The following FSIP1 variants were observed in gnomAD, a reference collection of about 807,000 sequenced individuals.
FSIP1 encodes fibrous sheath interacting protein 1.
In FSIP1, 65 loss-of-function variants were observed where a neutral mutation model predicts 60.9. The observed-to-expected ratio is 1.07, with a 90% confidence interval of 0.87 to 1.31. FSIP1 has a LOEUF of 1.31. Among genes scored for constraint, FSIP1 ranks in the 40% most tolerant of loss-of-function variants. The probability of loss-of-function intolerance (pLI) is 0.00; values close to 1 mark genes in which losing one functional copy is unlikely to be tolerated. For missense variants in FSIP1, 675 were observed against 665.5 expected (o/e 1.01, Z -0.16); for synonymous variants, 209 against 221.2 (o/e 0.94, Z 0.49).
chr15:39,692,469 A>G (rs1341730225), intron 10 of FSIP1, among the ~76,000 whole-genome samples: 1 of 152,204 alleles, frequency 6.6e-6, no homozygotes, highest in Non-Finnish European at 1.5e-5. Flanking sequence ...GAAAATACAG[A>G]GCACTTTAGG....
In FSIP1 at chr15:39,782,637, G is replaced by C. The variant is rs116082687; in HGVS notation, c.-17C>G. On this transcript the variant is annotated 5_prime_UTR_variant, in exon 1 of 12. Coordinates refer to ENST00000350221, the MANE Select transcript of FSIP1 (RefSeq NM_152597.5). The stretch of plus-strand genomic sequence containing the variant: ...CTGCGCGGCCCCTCACCTTCCCGCC[G>C]GGCCTCCTCGAGGAACTGGCCGCCG... 3 of 152,434 alleles carry C rather than the reference G, an allele frequency of 2.0e-5. No homozygotes were observed. Among genetic ancestry groups the C allele is most frequent in the Non-Finnish European group, 4.4e-5 (3 of 68,118 alleles). 9.4% of individuals were successfully genotyped at this position (152,434 alleles called of 1,614,324 possible). A position where few individuals can be genotyped will look rare whatever the true frequency, so the allele number is the denominator to read the frequency against.
At chr15:39,659,724 T>C (rs921295440) in intron 10 of FSIP1, among the ~76,000 whole-genome samples, 3 of 151,824 alleles carry the variant, frequency 2.0e-5, no homozygotes, top group Non-Finnish European at 4.4e-5. Flanking sequence ...AATTTCCTCA[T>C]ATATAATAAA....
intron 1 of FSIP1, chr15:39,782,421 G>C (rs1460664375): frequency 6.6e-6 from 1 of 152,348 alleles, no homozygotes; most frequent in South Asian, 2.1e-4. Flanking sequence ...CCTAATGTTA[G>C]GTGATTCCTG....
rs201924380 is a variant in FSIP1, at chr15:39,776,435, A to G, written c.90T>C (p.Ser30=). ...IRPGSRSSNA[S]LEVLSTEPGS... Reference sequence around the variant, plus strand: ...CTGGTTCTGTTGAGAGCACCTCCAAAGAAGCATTTGAACTTCTGCTCCCAG... The same window carrying G: ...CTGGTTCTGTTGAGAGCACCTCCAAGGAAGCATTTGAACTTCTGCTCCCAG... The change falls in exon 2 of 12, where the codon TCT becomes TCC. Residue 30 remains serine, a synonymous_variant. Transcript: ENST00000350221. 1.1e-5 allele frequency: 18 copies of G among 1,614,028 alleles called. No individual in the cohort carries two copies. The highest frequency in any genetic ancestry group is 6.6e-5 in the South Asian group (6 of 91,054).
intron 1 of FSIP1, among the ~76,000 whole-genome samples, chr15:39,782,086 T>G (rs1166885037): frequency 6.6e-6 from 1 of 152,246 alleles, no homozygotes; most frequent in East Asian, 1.9e-4. Flanking sequence ...ATTTTGGTAG[T>G]TCGCCAAATT....
At chr15:39,681,548 A>C (rs531657779) in intron 10 of FSIP1, among the ~76,000 whole-genome samples, 7 of 152,326 alleles carry the variant, frequency 4.6e-5, no homozygotes, top group Non-Finnish European at 1.0e-4. Flanking sequence ...AATTATAGAG[A>C]TAAAATAATA....
chr15:39,750,850 C>T (rs1403976305), intron 5 of FSIP1, among the ~76,000 whole-genome samples: 1 of 151,740 alleles, frequency 6.6e-6, no homozygotes, highest in Non-Finnish European at 1.5e-5. Context: ...AGAAAAAAAC[C>T]TACAGATTGG....
chr15:39,627,411 T>C (rs1358909089), intron 10 of FSIP1, among the ~76,000 whole-genome samples: 2 of 152,202 alleles, frequency 1.3e-5, no homozygotes, highest in Admixed American at 1.3e-4. Flanking sequence ...TAATAAGGTG[T>C]GGGATGATCA....
At chr15:39,649,714 C>T (rs376304139) in intron 10 of FSIP1, among the ~76,000 whole-genome samples, 1 of 152,304 alleles carries the variant, frequency 6.6e-6, no homozygotes, top group African/African-American at 2.4e-5. Flanking sequence ...GTCCTCTGCC[C>T]AGGAACCAAC....
chr15:39,747,308 T>G (rs1422388922), intron 5 of FSIP1: 1 of 152,210 alleles, frequency 6.6e-6, no homozygotes, highest in Non-Finnish European at 1.5e-5. Flanking sequence ...TTACCCTCAC[T>G]TTTCTCCCAC....
At chr15:39,714,195 G>A (rs1290946722) in intron 9 of FSIP1, among the ~76,000 whole-genome samples, 1 of 152,142 alleles carries the variant, frequency 6.6e-6, no homozygotes, top group East Asian at 1.9e-4. Flanking sequence ...AAACAAATGC[G>A]AGCTGAATAT....
chr15:39,675,953 C>T (rs1279926469), intron 10 of FSIP1, among the ~76,000 whole-genome samples: 1 of 151,130 alleles, frequency 6.6e-6, no homozygotes, highest in African/African-American at 2.4e-5. Flanking sequence ...TGCCTGAGCT[C>T]AGGAGTTCGA....
Position 39,726,589 on chromosome 15 carries a change from C to G in FSIP1, c.1050G>C (p.Gln350His), listed in dbSNP as rs748536259. ...AACAGTCTATGGGTTCTTCAAATAC[C>G]TGATTATTCCGATTTTCAAGTCTTG... ...FSPRLENRNNQKPDRDGERNM... is the reference protein window; with the variant it reads ...FSPRLENRNNHKPDRDGERNM... Residue 350 changes from glutamine to histidine, a missense_variant and splice_region_variant, in exon 9 of 12, where the codon CAG (glutamine) becomes CAC (histidine). Gln to His is a conservative substitution (Grantham distance 24, BLOSUM62 0). Coordinates refer to ENST00000350221, the MANE Select transcript of FSIP1 (RefSeq NM_152597.5). 5 of 1,613,812 alleles carry G rather than the reference C, an allele frequency of 3.1e-6. No individual in the cohort carries two copies. The highest frequency in any genetic ancestry group is 4.2e-6 in the Non-Finnish European group (5 of 1,179,924).
At chr15:39,732,487 C>T (rs1246044818) in intron 8 of FSIP1, among the ~76,000 whole-genome samples, 1 of 151,942 alleles carries the variant, frequency 6.6e-6, no homozygotes, top group African/African-American at 2.4e-5. Flanking sequence ...GGGGTGGTGG[C>T]AGGCATCTGT....
At chr15:39,612,770 A>C (rs2412419) in intron 11 of FSIP1, among the ~76,000 whole-genome samples, 32,901 of 151,968 alleles carry the variant, frequency 0.22, 4,627 homozygotes, top group African/African-American at 0.39. Flanking sequence ...AGAAAGAAAG[A>C]AAACTCAAAT....
chr15:39,611,786 A>G (rs1566850816), intron 11 of FSIP1, among the ~76,000 whole-genome samples: 1 of 152,248 alleles, frequency 6.6e-6, no homozygotes, highest in Non-Finnish European at 1.5e-5. Flanking sequence ...TCACTTTACT[A>G]GTAAGAAAAT....
chr15:39,611,891 C>A (rs1675819152), intron 11 of FSIP1, among the ~76,000 whole-genome samples: 1 of 152,084 alleles, frequency 6.6e-6, no homozygotes, highest in Admixed American at 6.5e-5. Flanking sequence ...ACAAAATAGA[C>A]TTTAAGTCAA....
intron 5 of FSIP1, among the ~76,000 whole-genome samples, chr15:39,760,335 T>G (rs1164904455): frequency 6.6e-6 from 1 of 152,118 alleles, no homozygotes; most frequent in Non-Finnish European, 1.5e-5. Flanking sequence ...TGCATAGTCT[T>G]AAAGCATCTC....
chr15:39,618,548 C>T (rs1315573301), intron 10 of FSIP1, among the ~76,000 whole-genome samples: 1 of 152,122 alleles, frequency 6.6e-6, no homozygotes, highest in East Asian at 1.9e-4. Context: ...GGGGATTCAG[C>T]ACTCCCATGT....
Sources: allele counts gnomAD v4.1 joint callset (sites outside exome capture counted in the v4.1 genomes callset), GRCh38; gene constraint gnomAD v4.1.1; transcripts MANE v1.5; gene names NCBI Gene and HGNC (gene_info 2026-07-23, HGNC 2026-07-21).